SUB1: variants seen among roughly 807,000 people sequenced by gnomAD.
SUB1 encodes the protein activated RNA polymerase II transcriptional coactivator p15.
SUB1 carries 1 observed loss-of-function variant against 16.9 expected under a neutral mutation model. The observed-to-expected ratio is 0.06, with a 90% CI of 0.02 to 0.28. The LOEUF (loss-of-function observed/expected upper bound fraction) is 0.28, where lower values mean the gene tolerates loss of function less well. Ranked by LOEUF, SUB1 falls within the 10% of genes least tolerant of loss-of-function variation. The pLI, the probability that SUB1 is intolerant of heterozygous loss-of-function variation, is 1.00. For synonymous variants in SUB1, 51 were observed against 46.9 expected (o/e 1.09, Z -0.36); for missense variants, 84 against 145.2 (o/e 0.58, Z 2.16).
intron 3 of SUB1, chr5:32,598,592 C>T (rs1025799381): frequency 1.2e-5 from 2 of 161,334 alleles, no homozygotes; most frequent in African/African-American, 4.8e-5. Flanking sequence ...TTCTCTCTAA[C>T]TTCATATAAT....
chr5:32,600,199 C>T (rs1410290198), intron 4 of SUB1, among the ~76,000 whole-genome samples: 4 of 152,200 alleles, frequency 2.6e-5, no homozygotes, highest in African/African-American at 4.8e-5. Context: ...GATAGGGTGA[C>T]CCTAGAGTGC....
intron 3 of SUB1, chr5:32,597,467 A>G (rs527914447): frequency 9.0e-4 from 136 of 151,608 alleles, no homozygotes; most frequent in African/African-American, 3.2e-3. Flanking sequence ...CTCTGGGTGG[A>G]TATTTGTGTT....
chr5:32,599,910 G>A (rs140537351), intron 4 of SUB1, among the ~76,000 whole-genome samples: 2 of 152,034 alleles, frequency 1.3e-5, no homozygotes, highest in African/African-American at 4.8e-5. Context: ...ATATGCGTCG[G>A]TATTGGAATG....
intron 2 of SUB1, among the ~76,000 whole-genome samples, chr5:32,589,642 C>T (rs1473412941): frequency 2.0e-5 from 3 of 152,154 alleles, no homozygotes; most frequent in African/African-American, 4.8e-5. Context: ...CATAACTGAG[C>T]GTCTCACTCT....
intron 2 of SUB1, among the ~76,000 whole-genome samples, chr5:32,590,753 G>A (rs1014896656): frequency 7.0e-5 from 3 of 43,024 alleles, no homozygotes; most frequent in South Asian, 1.7e-3. Context: ...GTGCCACCAC[G>A]CCTGGCTAAT....
Position 32,603,141 on chromosome 5 carries a change from C to G in SUB1, c.*2057C>G, listed in dbSNP as rs1739156827. On this transcript the variant is annotated 3_prime_UTR_variant, in exon 5 of 5. Transcript: ENST00000265073. ...AAGCCTCCATATAAGGAGTGTTTCT[C>G]TGGCACAGTTGGTAAGTTGACTGCT... 1 of 152,046 alleles carries G rather than the reference C, an allele frequency of 6.6e-6. No individual in the cohort carries two copies. Among genetic ancestry groups the G allele is most frequent in the African/African-American group, 2.4e-5 (1 of 41,406 alleles). 9.4% of individuals were successfully genotyped at this position (152,046 alleles called of 1,614,324 possible).
intron 3 of SUB1, among the ~76,000 whole-genome samples, chr5:32,592,673 G>A (rs1032268409): frequency 2.6e-5 from 4 of 152,130 alleles, no homozygotes; most frequent in African/African-American, 9.7e-5. Context: ...GAGGAATTAG[G>A]CAGTCAGTGA....
intron 1 of SUB1, among the ~76,000 whole-genome samples, chr5:32,588,293 A>C (rs561835598): frequency 6.6e-6 from 1 of 152,246 alleles, no homozygotes. Flanking sequence ...CATTTAGTTC[A>C]TTGTTCTTAC....
At chr5:32,588,311 A>T in intron 1 of SUB1, among the ~76,000 whole-genome samples, 1 of 152,196 alleles carries the variant, frequency 6.6e-6, no homozygotes, top group East Asian at 1.9e-4. Context: ...TACTGGGTTC[A>T]GCACATTGCA....
At chr5:32,598,881 C>A in intron 3 of SUB1, 80 bp from the exon 4 acceptor site, 1 of 1,074,744 alleles carries the variant, frequency 9.3e-7, no homozygotes, top group Non-Finnish European at 1.4e-6. Context: ...GAGCATGCAG[C>A]AAGTTGTGAA....
Position 32,604,007 on chromosome 5 carries a change from T to C in SUB1, c.*2923T>C, listed in dbSNP as rs1285820613. ...CTTGTATGCTTTGTTTTCGTACATC[T>C]TCCATGGAGATGTCTGAATATAATA... On this transcript the variant is annotated 3_prime_UTR_variant, in exon 5 of 5. Coordinates refer to ENST00000265073, the MANE Select transcript of SUB1 (RefSeq NM_006713.4). 1 of 152,208 alleles carries C rather than the reference T, an allele frequency of 6.6e-6. No homozygotes were observed. The highest frequency in any genetic ancestry group is 2.4e-5 in the African/African-American group (1 of 41,462). 9.4% of individuals were successfully genotyped at this position (152,208 alleles called of 1,614,324 possible).
At chr5:32,588,093 G>A (rs552060979) in intron 1 of SUB1, among the ~76,000 whole-genome samples, 3 of 118,818 alleles carry the variant, frequency 2.5e-5, no homozygotes, top group East Asian at 2.4e-4. Flanking sequence ...ATAATTTTAC[G>A]TTAGTTCCAA....
At chr5:32,587,270 G>T (rs1738697406) in intron 1 of SUB1, among the ~76,000 whole-genome samples, 1 of 152,164 alleles carries the variant, frequency 6.6e-6, no homozygotes, top group Non-Finnish European at 1.5e-5. Context: ...AAGATATTTT[G>T]ATAATCAGCG....
chr5:32,586,164 A>C (rs1328766517), intron 1 of SUB1: 1 of 152,118 alleles, frequency 6.6e-6, no homozygotes, highest in South Asian at 2.1e-4. Context: ...TCTTCTCCGC[A>C]CTTCGCCGCC....
intron 1 of SUB1, 197 bp downstream of exon 1, chr5:32,585,822 C>G (rs1269011164): frequency 1.3e-5 from 2 of 152,458 alleles, no homozygotes; most frequent in Non-Finnish European, 2.9e-5. Flanking sequence ...CGCTGTGGGC[C>G]CTTCCGCGGT....
intron 1 of SUB1, chr5:32,586,439 A>G (rs1738670962): frequency 6.6e-6 from 1 of 152,278 alleles, no homozygotes; most frequent in Non-Finnish European, 1.5e-5. Context: ...TGGTTTCAGT[A>G]TCAGTTACTT....
At chr5:32,593,487 G>C (rs1047116945) in intron 3 of SUB1, among the ~76,000 whole-genome samples, 1 of 152,050 alleles carries the variant, frequency 6.6e-6, no homozygotes, top group African/African-American at 2.4e-5. Context: ...ACAAAGTGCA[G>C]ATGAACTATT....
Position 32,598,777 on chromosome 5 carries a change from T to C in SUB1, c.196-184T>C, listed in dbSNP as rs139989357. The C allele has an allele frequency of 1.2e-3, 483 of 416,286 alleles. 4 individuals are homozygous for C. Among genetic ancestry groups the C allele is most frequent in the African/African-American group, 9.2e-3 (445 of 48,564 alleles). The allele number at this position is 416,286 out of a possible 1,614,324, so 25.8% of individuals were successfully genotyped here. A position where few individuals can be genotyped will look rare whatever the true frequency, so the allele number is the denominator to read the frequency against. On this transcript the variant is annotated intron_variant, in intron 3 of 4. Transcript: ENST00000265073. ...TGCAAAAATTTTTCCAGTATATTTATTGAAAAAAATATGCATATAAGTGGG... is the reference window on the plus strand; with the variant it reads ...TGCAAAAATTTTTCCAGTATATTTACTGAAAAAAATATGCATATAAGTGGG...
intron 3 of SUB1, among the ~76,000 whole-genome samples, chr5:32,593,389 C>A (rs1298627725): frequency 6.6e-6 from 1 of 151,706 alleles, no homozygotes; most frequent in Non-Finnish European, 1.5e-5. Context: ...GGTGGAGTGC[C>A]AAGATTAAGG....
Sources: allele counts gnomAD v4.1 joint callset (sites outside exome capture counted in the v4.1 genomes callset), GRCh38; gene constraint gnomAD v4.1.1; transcripts MANE v1.5; gene names NCBI Gene and HGNC (gene_info 2026-07-23, HGNC 2026-07-21).